ABHD4: variants seen among roughly 807,000 people sequenced by gnomAD.
ABHD4 encodes (Lyso)-N-acylphosphatidylethanolamine lipase.
Under a neutral mutation model 42.3 loss-of-function variants are expected in ABHD4, and 35 were observed. That is an observed-to-expected ratio of 0.83 (90% confidence interval 0.63 to 1.10). The LOEUF (loss-of-function observed/expected upper bound fraction) is 1.10. ABHD4 is among the 50% of genes least tolerant of loss of function. The pLI, the probability that ABHD4 is intolerant of heterozygous loss-of-function variation, is 0.00. For missense variants in ABHD4, 389 were observed against 454.8 expected, an observed-to-expected ratio of 0.86 and a Z score of 1.32; for synonymous variants, 169 against 170.6, an observed-to-expected ratio of 0.99 and a Z score of 0.07.
intron 1 of ABHD4, among the ~76,000 whole-genome samples, chr14:22,599,190 G>A (rs896508857): frequency 6.6e-6 from 1 of 152,344 alleles, no homozygotes; most frequent in African/African-American, 2.4e-5. Flanking sequence ...AGCTTGCTGG[G>A]CTTGAAAGAA....
rs535535442 is a variant in ABHD4, at chr14:22,612,151, C to G, written c.*1203C>G. 5.2e-5 allele frequency: 8 copies of G among 152,834 alleles called. No individual in the cohort carries two copies. Among genetic ancestry groups the G allele is most frequent in the African/African-American group, 1.9e-4 (8 of 41,582 alleles). The allele number at this position is 152,834 out of a possible 1,614,324, so 9.5% of individuals were successfully genotyped here. On this transcript the variant is annotated 3_prime_UTR_variant, in exon 7 of 7. Coordinates refer to ENST00000428304, the MANE Select transcript of ABHD4 (RefSeq NM_022060.3). ...TTTCCAGCTCAATCCACCCCTGACC[C>G]ATCTGTCAGCTTTTTCCCAGGGAGC...
chr14:22,602,805 A>T (rs993482243), intron 2 of ABHD4, among the ~76,000 whole-genome samples: 1 of 152,220 alleles, frequency 6.6e-6, no homozygotes, highest in Non-Finnish European at 1.5e-5. Flanking sequence ...AGAAAAAGTG[A>T]TTCTGACAGA....
chr14:22,605,808 G>A (rs1451375270), intron 4 of ABHD4: 1 of 1,289,126 alleles, frequency 7.8e-7, no homozygotes, highest in Non-Finnish European at 1.0e-6. Context: ...GAGAGAAAGA[G>A]AGAGATCAGG....
rs750193899 is a variant in ABHD4 at position 22,601,761 on chromosome 14, T to G, written c.112+6T>G. On this transcript the variant is annotated splice_donor_region_variant and intron_variant, in intron 2 of 6. Coordinates refer to ENST00000428304, the MANE Select transcript of ABHD4 (RefSeq NM_022060.3). ...GGAAGCCAGGATCCTCCAGTGTAAG[T>G]AGAATGGACAGCTTGTCCCACCTCC... 3.1e-6 allele frequency: 5 copies of G among 1,613,556 alleles called. No individual in the cohort carries two copies. The highest frequency in any genetic ancestry group is 4.2e-6 in the Non-Finnish European group (5 of 1,179,518).
At chr14:22,600,970 G>A (rs974153010) in intron 1 of ABHD4, among the ~76,000 whole-genome samples, 4 of 151,962 alleles carry the variant, frequency 2.6e-5, no homozygotes, top group African/African-American at 7.3e-5. Flanking sequence ...CTGTGTTACC[G>A]CATGTCATTA....
At chr14:22,607,875 C>T (rs1195222165) in intron 5 of ABHD4, among the ~76,000 whole-genome samples, 1 of 152,232 alleles carries the variant, frequency 6.6e-6, no homozygotes, top group Non-Finnish European at 1.5e-5. Flanking sequence ...CCCCCAAACA[C>T]CGTCACTCAA....
At chr14:22,607,081 A>G (rs1345128747) in intron 5 of ABHD4, among the ~76,000 whole-genome samples, 1 of 152,182 alleles carries the variant, frequency 6.6e-6, no homozygotes, top group African/African-American at 2.4e-5. Context: ...ATTACTACCA[A>G]TAGAATTTCT....
rs2037310804 is a variant in ABHD4 at position 22,603,487 on chromosome 14, C to T, written c.210C>T (p.Pro70=). The change falls in exon 3 of 7, where the codon CCC becomes CCT. Residue 70 remains proline, a synonymous_variant. Coordinates refer to ENST00000428304, the MANE Select transcript of ABHD4 (RefSeq NM_022060.3). Reference sequence around the variant, plus strand: ...GCCCCGAGCAAAACGACCGCACCCCCTTGGTGATGGTGCATGGTTTTGGGG... The same window carrying T: ...GCCCCGAGCAAAACGACCGCACCCCTTTGGTGATGGTGCATGGTTTTGGGG... The part of the protein sequence containing the change: ...TVSPEQNDRT[P]LVMVHGFGGG... 6.2e-7 allele frequency: 1 copy of T among 1,614,150 alleles called. No individual in the cohort carries two copies. Among genetic ancestry groups the T allele is most frequent in the Admixed American group, 1.7e-5 (1 of 60,020 alleles).
Position 22,612,608 on chromosome 14 carries a change from A to G in ABHD4, c.*1660A>G, listed in dbSNP as rs1594895529. 6.6e-6 allele frequency: 1 copy of G among 152,336 alleles called. No homozygotes were observed. Among genetic ancestry groups the G allele is most frequent in the East Asian group, 1.9e-4 (1 of 5,198 alleles). 9.4% of individuals were successfully genotyped at this position (152,336 alleles called of 1,614,324 possible). On this transcript the variant is annotated 3_prime_UTR_variant, in exon 7 of 7. Transcript: ENST00000428304. ...GTGGATGGGGCAAGCCCCAGTTCAC[A>G]GTAGAGAGGTGGAACTTAGTACTTC...
At chr14:22,604,226 G>A in intron 4 of ABHD4, 147 bp downstream of exon 4, 1 of 948,188 alleles carries the variant, frequency 1.1e-6, no homozygotes, top group Non-Finnish European at 1.5e-6. Context: ...TTTGTTCAAG[G>A]TTTGAGAAGG....
chr14:22,609,690 G>C, intron 5 of ABHD4, 34 bp from the exon 6 acceptor site: 1 of 1,604,266 alleles, frequency 6.2e-7, no homozygotes. Context: ...GACATATTCT[G>C]CTGTGAAGTT....
Position 22,610,867 on chromosome 14 carries a change from G to C in ABHD4, c.948G>C (p.Lys316Asn). 2 of 1,613,994 alleles carry C rather than the reference G, an allele frequency of 1.2e-6. No individual in the cohort carries two copies. Among genetic ancestry groups the C allele is most frequent in the Non-Finnish European group, 1.7e-6 (2 of 1,179,944 alleles). ...PDSYVRDMEIKGASHHVYADQ... is the reference protein window; with the variant it reads ...PDSYVRDMEINGASHHVYADQ... ...GGGTTCTCTCTCCACAGGAGATTAAGGGTGCCTCCCACCATGTCTATGCTG... is the reference window on the plus strand; with the variant it reads ...GGGTTCTCTCTCCACAGGAGATTAACGGTGCCTCCCACCATGTCTATGCTG... Residue 316 changes from lysine (K) to asparagine (N), a missense_variant, in exon 7 of 7, where the codon AAG becomes AAC. Coordinates refer to ENST00000428304, the MANE Select transcript of ABHD4 (RefSeq NM_022060.3).
rs1051234380 is a variant in ABHD4, at chr14:22,610,882, T to C, written c.963T>C (p.His321=). ...AGGAGATTAAGGGTGCCTCCCACCA[T>C]GTCTATGCTGACCAGCCACACATCT... ...RDMEIKGASH[H]VYADQPHIFN... is the part of the protein sequence containing the mutation. Residue 321 remains histidine (H), a synonymous_variant, in exon 7 of 7, where the codon CAT becomes CAC. Transcript: ENST00000428304. The C allele has an allele frequency of 1.9e-6, 3 of 1,614,002 alleles. No homozygotes were observed. The highest frequency in any genetic ancestry group is 2.2e-5 in the South Asian group (2 of 91,086).
intron 1 of ABHD4, among the ~76,000 whole-genome samples, chr14:22,599,588 T>G (rs1045049993): frequency 3.9e-5 from 6 of 152,248 alleles, no homozygotes; most frequent in African/African-American, 1.2e-4. Context: ...TGTAACATTT[T>G]TGGTGAAGAA....
At position 22,603,649 on chromosome 14, in the gene ABHD4, T is replaced by C; in HGVS notation, c.372T>C (p.Phe124=). The change falls in exon 3 of 7, where the codon TTT becomes TTC. Residue 124 remains phenylalanine (F), a synonymous_variant. Transcript: ENST00000428304. ...ACCCGGAGGGGGCTGAGGATGAGTT[T>C]GTGACATCGATAGAGACATGGCGGG... is the stretch of plus-strand genomic sequence containing the variant. ...PRDPEGAEDE[F]VTSIETWRET... is the part of the protein sequence containing the mutation. The C allele has an allele frequency of 6.2e-7, 1 of 1,614,132 alleles. No homozygotes were observed. Among genetic ancestry groups the C allele is most frequent in the Non-Finnish European group, 8.5e-7 (1 of 1,180,014 alleles).
intron 1 of ABHD4, among the ~76,000 whole-genome samples, chr14:22,600,919 T>C (rs1454016708): frequency 6.6e-6 from 1 of 151,422 alleles, no homozygotes; most frequent in Non-Finnish European, 1.5e-5. Context: ...TTGCAATGAC[T>C]TAAGGTCCCT....
chr14:22,600,831 G>GGTGTGTGTGT (rs35284182), intron 1 of ABHD4, among the ~76,000 whole-genome samples: 2 of 65,228 alleles, frequency 3.1e-5, no homozygotes, highest in African/African-American at 8.8e-5. Flanking sequence ...CCAGCAGGGG[G>GGTGTGTGTGT]GTGTGTGTGT....
intron 6 of ABHD4, among the ~76,000 whole-genome samples, chr14:22,610,229 G>T (rs1594894472): frequency 6.6e-6 from 1 of 152,082 alleles, no homozygotes; most frequent in Non-Finnish European, 1.5e-5. Context: ...AGCTAATTTT[G>T]TATTTTTAGT....
At chr14:22,608,730 G>T (rs1351174680) in intron 5 of ABHD4, among the ~76,000 whole-genome samples, 2 of 151,950 alleles carry the variant, frequency 1.3e-5, no homozygotes, top group Non-Finnish European at 1.5e-5. Flanking sequence ...TGAGATGGAG[G>T]TTTGCTCATT....
Sources: allele counts gnomAD v4.1 joint callset (sites outside exome capture counted in the v4.1 genomes callset), GRCh38; gene constraint gnomAD v4.1.1; transcripts MANE v1.5; gene names NCBI Gene and HGNC (gene_info 2026-07-23, HGNC 2026-07-21).